SLC2A5: variants seen among roughly 807,000 people sequenced by gnomAD.
SLC2A5 encodes the protein solute carrier family 2 member 5.
Under a neutral mutation model 50.3 loss-of-function variants are expected in SLC2A5, and 56 were observed. That is an observed-to-expected ratio of 1.11 (90% CI 0.90 to 1.39). The LOEUF (loss-of-function observed/expected upper bound fraction) is 1.39. Among genes scored for constraint, SLC2A5 ranks in the 40% most tolerant of loss-of-function variants. The pLI is 0.00. For synonymous variants in SLC2A5, 269 were observed against 281.9 expected (o/e 0.95, Z 0.46); for missense variants, 566 against 650.1 (o/e 0.87, Z 1.41).
At chr1:9,055,146 GTC>G (rs1462335462) in intron 3 of SLC2A5, among the ~76,000 whole-genome samples, 1 of 152,196 alleles carries the variant, frequency 6.6e-6, no homozygotes, top group Non-Finnish European at 1.5e-5. Flanking sequence ...CTGGGTTGGA[GTC>G]CTGGCCACCT....
rs1209487493 is a variant in SLC2A5 at position 9,038,888 on chromosome 1, C to A, written c.1038G>T (p.Leu346=). 1.9e-6 allele frequency: 3 copies of A among 1,612,570 alleles called. No homozygotes were observed. Among genetic ancestry groups the A allele is most frequent in the Non-Finnish European group, 2.5e-6 (3 of 1,179,890 alleles). The change falls in exon 9 of 12, where the codon CTG becomes CTT. Residue 346 remains leucine, a synonymous_variant. Coordinates refer to ENST00000377424, the MANE Select transcript of SLC2A5 (RefSeq NM_003039.3). The stretch of plus-strand genomic sequence containing the variant: ...CTATGAGGCAGATGGAGAAGCCCAG[C>A]AGCAGCAGCAGCCTCCGACCCAGGA... ...VELLGRRLLL[L]LGFSICLIAC... is the part of the protein sequence containing the mutation.
chr1:9,038,306 G>T, intron 10 of SLC2A5, 125 bp downstream of exon 10: 1 of 760,822 alleles, frequency 1.3e-6, no homozygotes, highest in Non-Finnish European at 2.3e-6. Flanking sequence ...CCTTGCGGTG[G>T]ACGGGGGAAG....
chr1:9,059,152 T>G (rs1184492805), intron 1 of SLC2A5, among the ~76,000 whole-genome samples: 2 of 107,842 alleles, frequency 1.9e-5, no homozygotes, highest in East Asian at 6.1e-4. Context: ...TTTTTTTTTT[T>G]TTTTTTTTGA....
At chr1:9,058,323 T>A in intron 1 of SLC2A5, 73 bp from the exon 2 acceptor site, 1 of 992,716 alleles carries the variant, frequency 1.0e-6, no homozygotes, top group Non-Finnish European at 1.6e-6. Flanking sequence ...TTCGGTTTCG[T>A]AGAAAGATGT....
At chr1:9,060,223 A>G (rs1475363603) in intron 1 of SLC2A5, among the ~76,000 whole-genome samples, 1 of 113,304 alleles carries the variant, frequency 8.8e-6, no homozygotes, top group Non-Finnish European at 1.7e-5. Flanking sequence ...TCATGTAACA[A>G]ACAATACACA....
At chr1:9,078,475 G>C (rs1642317251) in intron 2 of SLC2A5, among the ~76,000 whole-genome samples, 1 of 152,186 alleles carries the variant, frequency 6.6e-6, no homozygotes, top group African/African-American at 2.4e-5. Context: ...AGGGAGAGAA[G>C]ACTTTGTATT....
At chr1:9,048,399 C>G (rs906407538) in intron 3 of SLC2A5, among the ~76,000 whole-genome samples, 1 of 152,044 alleles carries the variant, frequency 6.6e-6, no homozygotes, top group African/African-American at 2.4e-5. Flanking sequence ...GTAATCCCAG[C>G]TACTCAGGAG....
At chr1:9,077,030 G>A (rs547250180) in intron 2 of SLC2A5, among the ~76,000 whole-genome samples, 19 of 151,140 alleles carry the variant, frequency 1.3e-4, no homozygotes, top group African/African-American at 4.3e-4. Flanking sequence ...CTCGTGATCC[G>A]CTCGCCTCAG....
intron 3 of SLC2A5, among the ~76,000 whole-genome samples, chr1:9,048,109 T>C (rs1376286580): frequency 6.6e-6 from 1 of 152,176 alleles, no homozygotes; most frequent in African/African-American, 2.4e-5. Context: ...AAAGTATAGG[T>C]CCATCTCACT....
intron 1 of SLC2A5, among the ~76,000 whole-genome samples, chr1:9,065,009 C>T (rs1036226943): frequency 1.3e-5 from 2 of 148,954 alleles, no homozygotes; most frequent in Admixed American, 6.7e-5. Context: ...GCTGAAATTA[C>T]ACCATTGCAC....
chr1:9,079,340 G>C (rs1642327970), intron 2 of SLC2A5, among the ~76,000 whole-genome samples: 1 of 152,152 alleles, frequency 6.6e-6, no homozygotes, highest in South Asian at 2.1e-4. Flanking sequence ...GCCTATCAGA[G>C]AGTGCACGTG....
chr1:9,053,542 A>T (rs1334889291), intron 3 of SLC2A5, among the ~76,000 whole-genome samples: 5 of 98,358 alleles, frequency 5.1e-5, no homozygotes, highest in African/African-American at 1.8e-4. Context: ...ATTAATATAT[A>T]TTATATATTT....
chr1:9,060,592 CAT>C (rs138279561), intron 1 of SLC2A5, among the ~76,000 whole-genome samples: 20,445 of 114,110 alleles, frequency 0.18, 2,502 homozygotes, highest in East Asian at 0.42. Flanking sequence ...CCCCCACACA[CAT>C]AGGCAGAAAT....
chr1:9,047,300 C>T (rs1208827866), intron 4 of SLC2A5, among the ~76,000 whole-genome samples: 2 of 152,160 alleles, frequency 1.3e-5, no homozygotes, highest in African/African-American at 4.8e-5. Context: ...ACTAAACAGA[C>T]ATCACCACCC....
At chr1:9,052,621 G>A (rs1569864227) in intron 3 of SLC2A5, among the ~76,000 whole-genome samples, 2 of 152,202 alleles carry the variant, frequency 1.3e-5, no homozygotes, top group African/African-American at 4.8e-5. Context: ...GGTGAGAGAT[G>A]TTGATAAAGG....
chr1:9,052,466 T>C (rs1017718428), intron 3 of SLC2A5, among the ~76,000 whole-genome samples: 3 of 152,136 alleles, frequency 2.0e-5, no homozygotes, highest in African/African-American at 7.2e-5. Flanking sequence ...TATATGATAC[T>C]ATAATGGTGG....
upstream of SLC2A5, among the ~76,000 whole-genome samples, chr1:9,072,672 T>C (rs1275566883): frequency 3.3e-5 from 5 of 151,792 alleles, no homozygotes; most frequent in African/African-American, 1.2e-4. Context: ...AAAACACAAC[T>C]AGGCCAGGCG....
intron 2 of SLC2A5, among the ~76,000 whole-genome samples, chr1:9,078,132 C>T (rs536650210): frequency 3.3e-5 from 5 of 152,112 alleles, no homozygotes; most frequent in Non-Finnish European, 7.4e-5. Context: ...GGGTAACTTC[C>T]TGAGGTTGCC....
chr1:9,047,612 G>A lies in SLC2A5; in HGVS notation c.416C>T (p.Ala139Val), dbSNP rs530869048. The A allele has an allele frequency of 2.5e-6, 4 of 1,613,508 alleles. No homozygotes were observed. In the South Asian group the frequency reaches 3.3e-5, roughly 13 times the overall value. ...CAATACAGCATAGCATTGTTTACCT[G>A]CACATATTCCCACCAAAAGTCTGGA... ...IISRLLVGIC[A>V]GVSSNVVPMY... The change falls in exon 4 of 12, where the codon GCA (alanine) becomes GTA (valine). Residue 139 changes from alanine (A) to valine (V), a missense_variant and splice_region_variant. Ala to Val is a moderately conservative substitution (Grantham distance 64). Transcript: ENST00000377424.
Sources: gnomAD v4.1 joint callset for allele counts (sites outside exome capture counted in the v4.1 genomes callset) on GRCh38, gnomAD v4.1.1 for gene constraint, MANE v1.5 for transcripts, NCBI Gene and HGNC (gene_info 2026-07-23, HGNC 2026-07-21) for gene names.